Variants in SLC14A2 observed in about 807,000 individuals in gnomAD.
The protein encoded by SLC14A2 is solute carrier family 14 member 2.
Under a neutral mutation model 104.6 loss-of-function variants are expected in SLC14A2, and 91 were observed. The ratio of observed to expected loss-of-function variants is 0.87; its 90% CI spans 0.73 to 1.04. SLC14A2 has a LOEUF of 1.04. Among genes scored for constraint, SLC14A2 ranks in the 50% least tolerant of loss-of-function variants. SLC14A2 has a pLI of 0.00. For synonymous variants in SLC14A2, 476 were observed against 466.4 expected, an observed-to-expected ratio of 1.02 and a Z score of -0.27; for missense variants, 1,189 against 1,156.0, an observed-to-expected ratio of 1.03 and a Z score of -0.41.
intron 1 of SLC14A2, among the ~76,000 whole-genome samples, chr18:45,414,754 AAAAAT>A (rs1329242879): frequency 1.6e-4 from 12 of 76,036 alleles, no homozygotes; most frequent in African/African-American, 7.4e-4. Context: ...TAAAAAAAAA[AAAAAT>A]ATATATATAT....
At chr18:45,171,022 A>G in the SLC14A2 span, among the ~76,000 whole-genome samples, 2 of 152,062 alleles carry the variant, frequency 1.3e-5, no homozygotes, top group Non-Finnish European at 2.9e-5. Context: ...GTAAGTACAC[A>G]TGGAATGACT....
At chr18:45,457,637 T>C (rs1001719087) in intron 1 of SLC14A2, among the ~76,000 whole-genome samples, 1 of 151,198 alleles carries the variant, frequency 6.6e-6, no homozygotes, top group Non-Finnish European at 1.5e-5. Flanking sequence ...GGTAGTGACC[T>C]GTTTGGGGAC....
chr18:45,531,927 A>T (rs1427818299), intron 2 of SLC14A2, among the ~76,000 whole-genome samples: 5 of 152,318 alleles, frequency 3.3e-5, no homozygotes, highest in African/African-American at 4.8e-5. Context: ...ATGGCTAGCC[A>T]GTTTTCCCAG....
rs576258639 is a variant in SLC14A2 at position 45,640,666 on chromosome 18, ATTT to A, written c.992-539_992-537del. On this transcript the variant is annotated intron_variant, in intron 7 of 19. Coordinates refer to ENST00000255226, the MANE Select transcript of SLC14A2 (RefSeq NM_007163.4). Reference sequence around the variant, plus strand: ...TTTTGGAAGCAAAACTTTAAAAAGTATTTTTTATTTGGAAATAGTTTTAAACTC... The same window carrying A: ...TTTTGGAAGCAAAACTTTAAAAAGTATTTATTTGGAAATAGTTTTAAACTC... 7.2e-3 allele frequency among the ~76,000 whole-genome samples: 1,091 copies of A among 152,272 alleles called. 6 individuals are homozygous for A. The highest frequency in any genetic ancestry group is 0.011 in the Non-Finnish European group (767 of 68,010).
At chr18:45,406,100 G>A (rs796231156) in intron 1 of SLC14A2, among the ~76,000 whole-genome samples, 16 of 152,212 alleles carry the variant, frequency 1.1e-4, no homozygotes, top group African/African-American at 3.9e-4. Flanking sequence ...AGTATGTGAT[G>A]CTATTTGATA....
chr18:45,316,348 C>T (rs1303264310), intron 1 of SLC14A2, among the ~76,000 whole-genome samples: 1 of 152,090 alleles, frequency 6.6e-6, no homozygotes, highest in East Asian at 1.9e-4. Context: ...CACTGCAGTG[C>T]ATCAGAGGTT....
chr18:45,499,422 A>G (rs2144754969), intron 2 of SLC14A2, among the ~76,000 whole-genome samples: 1 of 152,326 alleles, frequency 6.6e-6, no homozygotes, highest in African/African-American at 2.4e-5. Context: ...CTATAATAGA[A>G]TAAAACATTT....
chr18:45,275,532 G>A (rs1268649704), intron 1 of SLC14A2, among the ~76,000 whole-genome samples: 2 of 152,214 alleles, frequency 1.3e-5, no homozygotes, highest in African/African-American at 2.4e-5. Context: ...GATTTGGAAG[G>A]AAGATAGCGG....
At chr18:45,563,375 C>T (rs1425933067) in intron 2 of SLC14A2, among the ~76,000 whole-genome samples, 1 of 152,194 alleles carries the variant, frequency 6.6e-6, no homozygotes, top group Non-Finnish European at 1.5e-5. Flanking sequence ...GGGCCAGAAG[C>T]TTTCACAATT....
intron 1 of SLC14A2, among the ~76,000 whole-genome samples, chr18:45,464,659 G>C (rs757164855): frequency 5.3e-5 from 8 of 152,180 alleles, no homozygotes; most frequent in Non-Finnish European, 1.2e-4. Flanking sequence ...AGAAAGTCTA[G>C]AGGGACATTT....
At chr18:45,624,217 G>A (rs557199862) in intron 1 of SLC14A2, among the ~76,000 whole-genome samples, 1 of 152,298 alleles carries the variant, frequency 6.6e-6, no homozygotes, top group African/African-American at 2.4e-5. Flanking sequence ...TAGAAATTCA[G>A]GAAGAGTTTC....
rs145178411 is a variant in SLC14A2, at chr18:45,529,527, C to T, written c.-35+46205C>T. The T allele has an allele frequency of 2.6e-3, 401 of 152,286 alleles. 2 individuals carry two copies. Among genetic ancestry groups the T allele is most frequent in the African/African-American group, 9.2e-3 (381 of 41,558 alleles). The allele number at this position is 152,286 out of a possible 1,614,324, so 9.4% of individuals were successfully genotyped here. A position where few individuals can be genotyped will look rare whatever the true frequency, so the allele number is the denominator to read the frequency against. On this transcript the variant is annotated intron_variant, in intron 2 of 20. Transcript: ENST00000586448. ...AGATCTCTGCATATTATGCCGAGCG[C>T]ATATGGGCCATCAATGAATATAAAT...
chr18:45,364,144 C>T (rs138548718), intron 1 of SLC14A2, among the ~76,000 whole-genome samples: 62 of 152,332 alleles, frequency 4.1e-4, no homozygotes, highest in African/African-American at 1.4e-3. Flanking sequence ...TCCCTCAACT[C>T]GTCAGCCCTT....
At chr18:45,610,301 G>A (rs1180104978) in intron 2 of SLC14A2, among the ~76,000 whole-genome samples, 1 of 152,188 alleles carries the variant, frequency 6.6e-6, no homozygotes, top group East Asian at 1.9e-4. Flanking sequence ...AGTAGCAAGG[G>A]CATAAAATGT....
At chr18:45,410,413 A>G (rs1343313424) in intron 1 of SLC14A2, among the ~76,000 whole-genome samples, 1 of 152,166 alleles carries the variant, frequency 6.6e-6, no homozygotes, top group Non-Finnish European at 1.5e-5. Flanking sequence ...CAAAAAATTA[A>G]ATTAGGTTTA....
intron 2 of SLC14A2, among the ~76,000 whole-genome samples, chr18:45,525,845 T>G (rs571369838): frequency 6.6e-6 from 1 of 152,326 alleles, no homozygotes; most frequent in East Asian, 1.9e-4. Flanking sequence ...AGATGTGCTG[T>G]TTTTAAAGTA....
At chr18:45,360,524 T>C (rs2085600120) in intron 1 of SLC14A2, among the ~76,000 whole-genome samples, 1 of 152,192 alleles carries the variant, frequency 6.6e-6, no homozygotes, top group African/African-American at 2.4e-5. Context: ...CAACATCCCA[T>C]TTTCTAAAGG....
chr18:45,556,743 C>T (rs1210610374), intron 2 of SLC14A2, among the ~76,000 whole-genome samples: 1 of 152,298 alleles, frequency 6.6e-6, no homozygotes, highest in Middle Eastern at 3.4e-3. Context: ...ACATTGTATG[C>T]AATCTGTATA....
At chr18:45,210,022 T>C (rs554885015), upstream of SLC14A2, among the ~76,000 whole-genome samples, 3 of 152,270 alleles carry the variant, frequency 2.0e-5, no homozygotes, top group African/African-American at 7.2e-5. Context: ...AAGTGTTCCT[T>C]CTCACCAATG....
Sources: allele counts gnomAD v4.1 joint callset (sites outside exome capture counted in the v4.1 genomes callset), GRCh38; gene constraint gnomAD v4.1.1; transcripts MANE v1.5; gene names NCBI Gene and HGNC (gene_info 2026-07-23, HGNC 2026-07-21).